The following DPP3 variants were observed in gnomAD, a reference collection of about 807,000 sequenced individuals.
DPP3 encodes dipeptidyl peptidase 3.
In DPP3, 64 loss-of-function variants were observed where a neutral mutation model predicts 89.8. That is an observed-to-expected ratio of 0.71 (90% confidence interval 0.58 to 0.88). The LOEUF is 0.88. Ranked by LOEUF, DPP3 falls within the 40% of genes least tolerant of loss-of-function variation. The pLI is 0.00. For missense variants in DPP3, 835 were observed against 972.5 expected (o/e 0.86, Z 1.88); for synonymous variants, 377 against 404.3 (o/e 0.93, Z 0.81).
chr11:66,495,239 A>G lies in DPP3; in HGVS notation c.1423A>G (p.Thr475Ala). Residue 475 changes from threonine (T) to alanine (A), a missense_variant, in exon 13 of 18, where the codon ACA (threonine) becomes GCA (alanine). By Grantham distance (58) the Thr-to-Ala change is moderately conservative. Transcript: ENST00000531863. ...AGGAGCATTCAACTTTGACCAGGAA[A>G]CAGTGATCAACCCAGAGACGGGCGA... ...EKGAFNFDQETVINPETGEQI... is the reference protein window; with the variant it reads ...EKGAFNFDQEAVINPETGEQI... The G allele has an allele frequency of 6.2e-7, 1 of 1,612,794 alleles. No individual in the cohort carries two copies. The highest frequency in any genetic ancestry group is 8.5e-7 in the Non-Finnish European group (1 of 1,180,032).
intron 1 of DPP3, 52 bp from the exon 2 acceptor site, chr11:66,482,141 A>G: frequency 1.3e-6 from 2 of 1,597,618 alleles, no homozygotes; most frequent in Non-Finnish European, 1.7e-6. Flanking sequence ...AGAGCCAGGT[A>G]TGCAATTGGT....
intron 15 of DPP3, 125 bp downstream of exon 15, chr11:66,495,875 T>G: frequency 6.9e-7 from 1 of 1,446,186 alleles, no homozygotes. Flanking sequence ...TAGACTCCAC[T>G]GTTTGGGAGG....
intron 4 of DPP3, among the ~76,000 whole-genome samples, 159 bp from the exon 5 acceptor site, chr11:66,487,109 G>A (rs1422538599): frequency 2.0e-5 from 3 of 151,994 alleles, no homozygotes; most frequent in Non-Finnish European, 4.4e-5. Flanking sequence ...AGATGAGCAT[G>A]TTTGTTTGTT....
At chr11:66,506,553 C>A (rs1191185180) in intron 17 of DPP3, among the ~76,000 whole-genome samples, 1 of 152,156 alleles carries the variant, frequency 6.6e-6, no homozygotes, top group East Asian at 1.9e-4. Context: ...CCATGCCCAG[C>A]CGGAAAAAGC....
At chr11:66,502,177 A>G (rs1855693895) in intron 16 of DPP3, among the ~76,000 whole-genome samples, 1 of 152,118 alleles carries the variant, frequency 6.6e-6, no homozygotes, top group Non-Finnish European at 1.5e-5. Flanking sequence ...GGCAACAGCG[A>G]GACTCCATCT....
intron 7 of DPP3, 41 bp from the exon 8 acceptor site, chr11:66,491,452 TG>T: frequency 1.9e-6 from 3 of 1,595,676 alleles, no homozygotes; most frequent in Non-Finnish European, 2.6e-6. Flanking sequence ...GGTGTGGAGG[TG>T]GGTGGGTGGC....
intron 3 of DPP3, 51 bp downstream of exon 3, chr11:66,485,313 G>C: frequency 6.4e-7 from 1 of 1,569,256 alleles, no homozygotes; most frequent in Non-Finnish European, 8.7e-7. Flanking sequence ...TGGTGGGGTA[G>C]AGATGGAAAA....
chr11:66,508,970 C>A, intron 17 of DPP3, 109 bp from the exon 18 acceptor site: 1 of 1,407,242 alleles, frequency 7.1e-7, no homozygotes, highest in Non-Finnish European at 9.6e-7. Context: ...TTTGGCAGAG[C>A]TCAGTAAGAA....
In DPP3 at chr11:66,486,674, G is replaced by C. The variant is rs1252539242; in HGVS notation, c.495G>C (p.Lys165Asn). The change falls in exon 4 of 18, where the codon AAG becomes AAC. Residue 165 changes from lysine (K) to asparagine (N), a missense_variant. Lys to Asn is a moderately conservative substitution (Grantham distance 94). Transcript: ENST00000531863. ...EPRLRHLGLG[K>N]EGITTYFSGN... ...GGCTTCGACACCTCGGACTGGGGAAGGAGGTGAGGCCCCTGACTCCCCCGA... is the reference window on the plus strand; with the variant it reads ...GGCTTCGACACCTCGGACTGGGGAACGAGGTGAGGCCCCTGACTCCCCCGA... 5 of 1,525,886 alleles carry C rather than the reference G, an allele frequency of 3.3e-6. No individual in the cohort carries two copies. Among genetic ancestry groups the C allele is most frequent in the Non-Finnish European group, 4.4e-6 (5 of 1,135,960 alleles). The allele number at this position is 1,525,886 out of a possible 1,614,324, so 94.5% of individuals were successfully genotyped here.
chr11:66,488,176 TTGTC>T (rs1353617560), intron 6 of DPP3, among the ~76,000 whole-genome samples, 169 bp downstream of exon 6: 1 of 152,174 alleles, frequency 6.6e-6, no homozygotes, highest in Non-Finnish European at 1.5e-5. Flanking sequence ...AGTCCCCTAT[TTGTC>T]TGTGAACCAA....
chr11:66,504,324 A>G (rs1855749686), intron 16 of DPP3, among the ~76,000 whole-genome samples: 1 of 152,058 alleles, frequency 6.6e-6, no homozygotes, highest in South Asian at 2.1e-4. Flanking sequence ...CCTGGGCTCA[A>G]GTGATCCCCT....
At position 66,509,576 on chromosome 11, in the gene DPP3, G is replaced by T. The variant is rs765108105; in HGVS notation, c.*325G>T. The T allele has an allele frequency of 2.7e-5, 19 of 705,184 alleles. No homozygotes were observed. Among genetic ancestry groups the T allele is most frequent in the South Asian group, 1.8e-4 (12 of 66,408 alleles). The allele number at this position is 705,184 out of a possible 1,614,324, so 43.7% of individuals were successfully genotyped here. ...CCGCAGGTGGCACGTGACAGCTAGG[G>T]TTCAAAACGTTCTCACCAAATCCAA... On this transcript the variant is annotated 3_prime_UTR_variant, in exon 18 of 18. Transcript: ENST00000531863.
intron 16 of DPP3, 69 bp downstream of exon 16, chr11:66,497,546 A>G: frequency 6.5e-7 from 1 of 1,537,352 alleles, no homozygotes; most frequent in African/African-American, 1.4e-5. Context: ...GTTACCAGGC[A>G]CGGAGAATAA....
Position 66,487,279 on chromosome 11 carries a change from C to T in DPP3, c.510C>T (p.Thr170=). 6.2e-7 allele frequency: 1 copy of T among 1,614,022 alleles called. No homozygotes were observed. The highest frequency in any genetic ancestry group is 8.5e-7 in the Non-Finnish European group (1 of 1,179,930). Reference sequence around the variant, plus strand: ...GTCTTCCCCAACAGGGAATCACCACCTATTTCTCTGGGAATTGTACCATGG... The same window carrying T: ...GTCTTCCCCAACAGGGAATCACCACTTATTTCTCTGGGAATTGTACCATGG... ...HLGLGKEGIT[T]YFSGNCTMED... Residue 170 remains threonine, a synonymous_variant, in exon 5 of 18, where the codon ACC becomes ACT. Transcript: ENST00000531863.
chr11:66,480,508 C>A, intron 1 of DPP3, 43 bp downstream of exon 1: 2 of 1,471,890 alleles, frequency 1.4e-6, no homozygotes, highest in Non-Finnish European at 1.8e-6. Context: ...AGCGTGTCAT[C>A]CCGGGGGACC....
intron 6 of DPP3, among the ~76,000 whole-genome samples, chr11:66,489,701 C>A (rs1020470560): frequency 6.6e-6 from 1 of 152,200 alleles, no homozygotes; most frequent in Non-Finnish European, 1.5e-5. Context: ...TAGGAACAGC[C>A]GGTCGCTGGG....
At chr11:66,483,109 C>T (rs1020524634) in intron 2 of DPP3, 4 of 152,098 alleles carry the variant, frequency 2.6e-5, no homozygotes, top group Non-Finnish European at 5.9e-5. Context: ...CACTGCAAAC[C>T]TCCACCTCCC....
chr11:66,492,215 AG>A (rs761232106), intron 9 of DPP3, among the ~76,000 whole-genome samples: 2 of 152,186 alleles, frequency 1.3e-5, no homozygotes, highest in Non-Finnish European at 2.9e-5. Flanking sequence ...GGCTGGAAGC[AG>A]GATGGACATT....
intron 17 of DPP3, among the ~76,000 whole-genome samples, chr11:66,506,576 G>A (rs1271658822): frequency 4.0e-5 from 6 of 151,774 alleles, no homozygotes; most frequent in Non-Finnish European, 5.9e-5. Context: ...TTATTAAGAC[G>A]CTCATTCTAG....
Sources: gnomAD v4.1 joint callset for allele counts (sites outside exome capture counted in the v4.1 genomes callset) on GRCh38, gnomAD v4.1.1 for gene constraint, MANE v1.5 for transcripts, NCBI Gene and HGNC (gene_info 2026-07-23, HGNC 2026-07-21) for gene names.